BLOC1S5: variants seen among roughly 807,000 people sequenced by gnomAD.
BLOC1S5 encodes the protein biogenesis of lysosomal organelles complex 1 subunit 5.
Under a neutral mutation model 24.3 loss-of-function variants are expected in BLOC1S5, and 27 were observed. That is an observed-to-expected ratio of 1.11 (90% CI 0.82 to 1.53). BLOC1S5 has a LOEUF of 1.53. Among genes scored for constraint, BLOC1S5 ranks in the 40% most tolerant of loss-of-function variants. The pLI, the probability that BLOC1S5 is intolerant of heterozygous loss-of-function variation, is 0.00. For missense variants in BLOC1S5, 239 were observed against 229.4 expected, an observed-to-expected ratio of 1.04 and a Z score of -0.27; for synonymous variants, 84 against 74.5, an observed-to-expected ratio of 1.13 and a Z score of -0.66.
rs3030896 is a variant in BLOC1S5, at chr6:8,019,269, CTTTTTTT to C, written c.385-3448_385-3442del. On this transcript the variant is annotated intron_variant, in intron 4 of 4. Transcript: ENST00000397457. Reference sequence around the variant, plus strand: ...TAATAGTAACTGCTAGGCATTCTTACTTTTTTTTTTTTTTTTGAGATGGAGTTTCCCT... The same window carrying C: ...TAATAGTAACTGCTAGGCATTCTTACTTTTTTTTTGAGATGGAGTTTCCCT... Among the ~76,000 whole-genome samples, 510 of 138,732 alleles carry C rather than the reference CTTTTTTT, an allele frequency of 3.7e-3. 5 individuals are homozygous for C. The highest frequency in any genetic ancestry group is 0.013 in the African/African-American group (491 of 37,818). 91.0% of individuals were successfully genotyped at this position (138,732 alleles called of 152,430 possible). A position where few individuals can be genotyped will look rare whatever the true frequency, so the allele number is the denominator to read the frequency against.
chr6:8,064,168 G>C, intron 1 of BLOC1S5, 97 bp downstream of exon 1: 3 of 1,058,762 alleles, frequency 2.8e-6, no homozygotes, highest in Non-Finnish European at 3.9e-6. Flanking sequence ...ACGCGCGCCA[G>C]CCCGGGACCC....
At chr6:8,058,390 A>AAAAAAAAAC (rs1764393598) in intron 2 of BLOC1S5, among the ~76,000 whole-genome samples, 1 of 136,582 alleles carries the variant, frequency 7.3e-6, no homozygotes. Context: ...AAAAAAAAAA[A>AAAAAAAAAC]ATAGCCGGCC....
chr6:8,052,088 T>G (rs952070135), intron 2 of BLOC1S5, among the ~76,000 whole-genome samples: 12 of 145,158 alleles, frequency 8.3e-5, no homozygotes, highest in Non-Finnish European at 1.5e-4. Flanking sequence ...TGCCTCAGCC[T>G]CCCAAGTAGC....
intron 3 of BLOC1S5, among the ~76,000 whole-genome samples, chr6:8,039,211 C>T (rs2743999): frequency 0.26 from 39,749 of 152,088 alleles, 6,719 homozygotes; most frequent in East Asian, 0.73. Context: ...ATTGCATGCT[C>T]TCACTCGTAT....
chr6:8,021,194 G>A (rs1473187920), intron 4 of BLOC1S5, among the ~76,000 whole-genome samples: 6 of 152,214 alleles, frequency 3.9e-5, no homozygotes, highest in African/African-American at 1.4e-4. Context: ...TGAACCTAGA[G>A]CAGTCAAATT....
chr6:8,051,743 ATGCTAGATCTACTC>A (rs1764111698), intron 2 of BLOC1S5, among the ~76,000 whole-genome samples: 1 of 152,176 alleles, frequency 6.6e-6, no homozygotes, highest in African/African-American at 2.4e-5. Context: ...ATAAAGAATT[ATGCTAGATCTACTC>A]TGCCTGTGCT....
chr6:8,035,867 TA>T (rs1763468478), intron 3 of BLOC1S5, among the ~76,000 whole-genome samples: 1 of 152,120 alleles, frequency 6.6e-6, no homozygotes, highest in African/African-American at 2.4e-5. Context: ...AGAGTTCAAC[TA>T]CAAACTCGAC....
intron 2 of BLOC1S5, among the ~76,000 whole-genome samples, chr6:8,055,818 C>T (rs1282352559): frequency 1.3e-5 from 2 of 152,136 alleles, no homozygotes. Flanking sequence ...CCTGTGAAGT[C>T]CCCTCCCAGT....
intron 1 of BLOC1S5, among the ~76,000 whole-genome samples, chr6:8,063,307 G>T (rs890814287): frequency 2.0e-5 from 3 of 152,140 alleles, no homozygotes; most frequent in Admixed American, 1.3e-4. Flanking sequence ...AATGTTCATT[G>T]TAAGTCTCTT....
At chr6:8,041,351 C>T (rs1447837777) in intron 2 of BLOC1S5, 83 bp from the exon 3 acceptor site, 22 of 1,312,408 alleles carry the variant, frequency 1.7e-5, no homozygotes, top group African/African-American at 5.4e-5. Context: ...CTCGCTCTGT[C>T]GCCCAGACTG....
chr6:8,041,647 C>CTTTTT (rs1210587711), intron 2 of BLOC1S5, among the ~76,000 whole-genome samples: 1 of 64,254 alleles, frequency 1.6e-5, no homozygotes, highest in African/African-American at 5.3e-5. Context: ...TACTTTCTTT[C>CTTTTT]TTTCTTTCTT....
chr6:8,064,285 G>C lies in BLOC1S5; in HGVS notation c.92C>G (p.Ser31Ter), dbSNP rs1757372428. The change falls in exon 1 of 5, where the codon TCA (serine) becomes TGA (stop). Residue 31 changes from serine to a stop codon, truncating the protein, a stop_gained. Transcript: ENST00000397457. LOFTEE classifies it high-confidence loss of function. The part of the protein sequence containing the change: ...KKRDSLGTAG[S>*]AHLIIKDLGE... ...CGTACCCTTGATAATGAGGTGCGCT[G>C]AGCCCGCAGTCCCCAGGGAGTCCCT... 1 of 1,613,772 alleles carries C rather than the reference G, an allele frequency of 6.2e-7. No individual in the cohort carries two copies. Among genetic ancestry groups the C allele is most frequent in the Non-Finnish European group, 8.5e-7 (1 of 1,179,822 alleles).
intron 2 of BLOC1S5, among the ~76,000 whole-genome samples, chr6:8,049,846 G>A (rs1254101428): frequency 6.6e-6 from 1 of 152,020 alleles, no homozygotes; most frequent in Non-Finnish European, 1.5e-5. Flanking sequence ...AAGTAGCTGA[G>A]AGAACAGGCA....
At chr6:8,056,219 G>A (rs943588189) in intron 2 of BLOC1S5, among the ~76,000 whole-genome samples, 6 of 152,116 alleles carry the variant, frequency 3.9e-5, no homozygotes, top group Admixed American at 1.3e-4. Flanking sequence ...AGAGCATCAC[G>A]CAACAGACTA....
chr6:8,038,783 C>T (rs1988161), intron 3 of BLOC1S5, among the ~76,000 whole-genome samples: 128,612 of 152,280 alleles, frequency 0.84, 54,646 homozygotes, highest in East Asian at 1. Context: ...CACACCCAGC[C>T]AAAATGGCTT....
intron 3 of BLOC1S5, among the ~76,000 whole-genome samples, chr6:8,037,325 C>T (rs556167168): frequency 3.3e-5 from 5 of 152,224 alleles, no homozygotes; most frequent in African/African-American, 1.2e-4. Flanking sequence ...TTTATATATG[C>T]CAACAGCAAG....
chr6:8,042,589 C>T (rs1248792338), intron 2 of BLOC1S5, among the ~76,000 whole-genome samples: 1 of 152,236 alleles, frequency 6.6e-6, no homozygotes, highest in Non-Finnish European at 1.5e-5. Flanking sequence ...TGCAGCCCAA[C>T]ACAAATTATA....
chr6:8,061,096 G>A (rs1470933429), intron 2 of BLOC1S5, among the ~76,000 whole-genome samples: 1 of 152,064 alleles, frequency 6.6e-6, no homozygotes, highest in Non-Finnish European at 1.5e-5. Context: ...CCAAAGTGCT[G>A]GGATAAATTG....
intron 3 of BLOC1S5, among the ~76,000 whole-genome samples, chr6:8,028,939 T>C (rs190245457): frequency 1.3e-5 from 2 of 152,118 alleles, no homozygotes; most frequent in East Asian, 3.9e-4. Context: ...CCCTGTTATC[T>C]CAGTGTTTTA....
Sources: allele counts gnomAD v4.1 joint callset (sites outside exome capture counted in the v4.1 genomes callset), GRCh38; gene constraint gnomAD v4.1.1; transcripts MANE v1.5; gene names NCBI Gene and HGNC (gene_info 2026-07-23, HGNC 2026-07-21).